Variants in HSPG2 observed in about 807,000 individuals in gnomAD.
HSPG2 encodes the protein heparan sulfate proteoglycan 2, also known as basement membrane-specific heparan sulfate proteoglycan core protein.
In HSPG2, 278 loss-of-function variants were observed where a neutral mutation model predicts 526.6. The ratio of observed to expected loss-of-function variants is 0.53; its 90% CI spans 0.48 to 0.58. HSPG2 has a LOEUF of 0.58. HSPG2 is among the 20% of genes least tolerant of loss of function. HSPG2 has a pLI of 0.00. For missense variants in HSPG2, 5,354 were observed against 6,099.5 expected (o/e 0.88, Z 4.07); for synonymous variants, 2,465 against 2,555.4 (o/e 0.96, Z 1.07).
At position 21,842,674 on chromosome 1, in the gene HSPG2, CA is replaced by C; in HGVS notation, c.8910+95del. On this transcript the variant is annotated intron_variant, in intron 67 of 96. Coordinates refer to ENST00000374695, the MANE Select transcript of HSPG2 (RefSeq NM_005529.7). ...AACGTATTTTATCCCCTGGGGTCCCCAAGCAGGCTGGTGTTTGCATGAGGTT... is the reference window on the plus strand; with the variant it reads ...AACGTATTTTATCCCCTGGGGTCCCCAGCAGGCTGGTGTTTGCATGAGGTT... 4 of 1,534,366 alleles carry C rather than the reference CA, an allele frequency of 2.6e-6. No homozygotes were observed. In the South Asian group the frequency reaches 4.5e-5, roughly 17 times the overall value.
At position 21,864,725 on chromosome 1, in the gene HSPG2, C is replaced by T. The variant is rs981164487; in HGVS notation, c.4626+118G>A. ...GCTGTCGGGAGGAATACATGCAGGGCCCAGATGCAGGGGTCATTATAGTTA... is the reference window on the plus strand; with the variant it reads ...GCTGTCGGGAGGAATACATGCAGGGTCCAGATGCAGGGGTCATTATAGTTA... On this transcript the variant is annotated intron_variant, in intron 36 of 96. Coordinates refer to ENST00000374695, the MANE Select transcript of HSPG2 (RefSeq NM_005529.7). The surrounding 1 kb of genome is among the most constrained non-coding windows in gnomAD (Gnocchi z 4.8). 12 of 831,996 alleles carry T rather than the reference C, an allele frequency of 1.4e-5. No individual in the cohort carries two copies. Among genetic ancestry groups the T allele is most frequent in the Middle Eastern group, 2.2e-4 (1 of 4,448 alleles). The allele number at this position is 831,996 out of a possible 1,614,324, so 51.5% of individuals were successfully genotyped here.
At chr1:21,882,449 C>T (rs1488220951) in intron 13 of HSPG2, among the ~76,000 whole-genome samples, 3 of 147,730 alleles carry the variant, frequency 2.0e-5, no homozygotes, top group Admixed American at 2.0e-4. Flanking sequence ...ACACAGTCAC[C>T]CTACATGGGA....
In HSPG2 at chr1:21,904,115, C is replaced by G. The variant is rs1643244635; in HGVS notation, c.64-7805G>C. ...CAGAACTCCATGTTCCTGGGGGACA[C>G]AGGCCACGGAACCACGTGCTGGCAA... On this transcript the variant is annotated intron_variant, in intron 1 of 96. Coordinates refer to ENST00000374695, the MANE Select transcript of HSPG2 (RefSeq NM_005529.7). The surrounding 1 kb of genome is among the most constrained non-coding windows in gnomAD (Gnocchi z 4.4). Among the ~76,000 whole-genome samples, 1 of 152,178 alleles carries G rather than the reference C, an allele frequency of 6.6e-6. No homozygotes were observed. The highest frequency in any genetic ancestry group is 1.5e-5 in the Non-Finnish European group (1 of 68,036).
chr1:21,860,021 A>G lies in HSPG2; in HGVS notation c.5015-19T>C, dbSNP rs1557735374. Reference sequence around the variant, plus strand: ...TGGTTTGCTGGGGGTGGGGGCCGGGACAGGAAGGGCCTTTCAGCATTGTCT... The same window carrying G: ...TGGTTTGCTGGGGGTGGGGGCCGGGGCAGGAAGGGCCTTTCAGCATTGTCT... On this transcript the variant is annotated intron_variant, in intron 40 of 96. Coordinates refer to ENST00000374695, the MANE Select transcript of HSPG2 (RefSeq NM_005529.7). 1.1e-5 allele frequency: 17 copies of G among 1,608,860 alleles called. No homozygotes were observed. Among genetic ancestry groups the G allele is most frequent in the Non-Finnish European group, 1.4e-5 (17 of 1,178,262 alleles).
intron 33 of HSPG2, among the ~76,000 whole-genome samples, chr1:21,868,327 C>T (rs1184159033): frequency 6.6e-6 from 1 of 152,158 alleles, no homozygotes; most frequent in Non-Finnish European, 1.5e-5. Context: ...TGTGAGCCAC[C>T]ACGCCCAGCC....
chr1:21,842,438 C>G, intron 67 of HSPG2, 58 bp from the exon 68 acceptor site: 1 of 1,507,324 alleles, frequency 6.6e-7, no homozygotes, highest in Non-Finnish European at 8.9e-7. Flanking sequence ...AAGGAATGTC[C>G]CCAAGCCCAA....
Position 21,843,442 on chromosome 1 carries a change from G to A in HSPG2, c.8617-4C>T. On this transcript the variant is annotated splice_polypyrimidine_tract_variant and splice_region_variant and intron_variant, in intron 65 of 96. Transcript: ENST00000374695. ...GCCTCAGCAGTGGGCCGTGGACCTG[G>A]CCAAGGTGGGGTGAGAGCGGGGAGG... 1.2e-6 allele frequency: 2 copies of A among 1,610,156 alleles called. No individual in the cohort carries two copies. Among genetic ancestry groups the A allele is most frequent in the Non-Finnish European group, 1.7e-6 (2 of 1,177,522 alleles).
intron 1 of HSPG2, among the ~76,000 whole-genome samples, chr1:21,921,704 C>A (rs1644043743): frequency 6.6e-6 from 1 of 152,222 alleles, no homozygotes; most frequent in African/African-American, 2.4e-5. Context: ...GCGGCACCCC[C>A]AGCATCCGCT....
At chr1:21,880,298 C>A (rs752827615) in intron 16 of HSPG2, 44 bp from the exon 17 acceptor site, 2 of 1,613,992 alleles carry the variant, frequency 1.2e-6, no homozygotes, top group East Asian at 2.2e-5. Context: ...GACGGTGAGG[C>A]CCTGCCGTTT....
chr1:21,887,798 C>T lies in HSPG2; in HGVS notation c.704-124G>A. ...CCACTCCCTGCCACCCCCTGCCTGG[C>T]TCTGTCATCACCCTTCCTATGCCCC... On this transcript the variant is annotated intron_variant, in intron 7 of 96. Coordinates refer to ENST00000374695, the MANE Select transcript of HSPG2 (RefSeq NM_005529.7). This position sits in a 1 kb window ranked among gnomAD's most constrained non-coding sequence, Gnocchi z 5.0. 1 of 1,556,894 alleles carries T rather than the reference C, an allele frequency of 6.4e-7. No individual in the cohort carries two copies. The highest frequency in any genetic ancestry group is 1.1e-5 in the South Asian group (1 of 89,346).
chr1:21,882,646 G>T (rs1641602722), intron 13 of HSPG2, among the ~76,000 whole-genome samples: 1 of 152,144 alleles, frequency 6.6e-6, no homozygotes, highest in Admixed American at 6.5e-5. Context: ...CTGAGCACTG[G>T]AGACATGTCT....
intron 1 of HSPG2, among the ~76,000 whole-genome samples, chr1:21,909,745 C>T (rs1237853747): frequency 1.3e-5 from 2 of 152,234 alleles, no homozygotes; most frequent in South Asian, 2.1e-4. Flanking sequence ...GATTACCCAT[C>T]ACTCCCCAAA....
Position 21,838,813 on chromosome 1 carries a change from G to A in HSPG2, c.10150+12C>T, listed in dbSNP as rs768600468. 20 of 1,610,624 alleles carry A rather than the reference G, an allele frequency of 1.2e-5. No homozygotes were observed. Among genetic ancestry groups the A allele is most frequent in the Admixed American group, 8.4e-5 (5 of 59,656 alleles). On this transcript the variant is annotated intron_variant, in intron 74 of 96. Coordinates refer to ENST00000374695, the MANE Select transcript of HSPG2 (RefSeq NM_005529.7). ...AGGTGATCCCCTTCCACGCAGAGCC[G>A]GGGCTGCTTACCTTGGACGAGCAGC...
Position 21,860,104 on chromosome 1 carries a change from C to G in HSPG2, c.5014+73G>C, listed in dbSNP as rs959531437. Reference sequence around the variant, plus strand: ...CCCCACCCTCAGCCCTGTCCCCAGACCCAGTATCCCCCAAATTCCCAGGGC... The same window carrying G: ...CCCCACCCTCAGCCCTGTCCCCAGAGCCAGTATCCCCCAAATTCCCAGGGC... On this transcript the variant is annotated intron_variant, in intron 40 of 96. Transcript: ENST00000374695. 9 of 1,603,372 alleles carry G rather than the reference C, an allele frequency of 5.6e-6. No individual in the cohort carries two copies. The African/African-American group carries it at 9.4e-5, about 17-fold the overall frequency.
chr1:21,857,099 G>T lies in HSPG2; in HGVS notation c.5491C>A (p.Gln1831Lys). 1 of 1,614,170 alleles carries T rather than the reference G, an allele frequency of 6.2e-7. No individual in the cohort carries two copies. Among genetic ancestry groups the T allele is most frequent in the Non-Finnish European group, 8.5e-7 (1 of 1,180,026 alleles). ...FNGILTIRNV[Q>K]LSDAGTYVCT... is the part of the protein sequence containing the mutation. ...ACGTAGGTGCCTGCATCACTCAGCTGGACGTTGCGAATGGTCAGGATGCCA... is the reference window on the plus strand; with the variant it reads ...ACGTAGGTGCCTGCATCACTCAGCTTGACGTTGCGAATGGTCAGGATGCCA... The change falls in exon 44 of 97, where the codon CAG becomes AAG. Residue 1831 changes from glutamine (Q) to lysine (K), a missense_variant. Physicochemically the swap from Gln to Lys is moderately conservative, Grantham distance 53. Transcript: ENST00000374695.
In HSPG2 at chr1:21,885,120, G is replaced by C; in HGVS notation, c.1248C>G (p.Ile416Met). The stretch of plus-strand genomic sequence containing the variant: ...TCACTGTCTGGCCCCGGGAAGCCTG[G>C]ATGGACTCCCGGGGAGGTGTCACCA... ...PQVVTPPRESIQASRGQTVTF... is the reference protein window; with the variant it reads ...PQVVTPPRESMQASRGQTVTF... Residue 416 changes from isoleucine to methionine, a missense_variant, in exon 11 of 97, where the codon ATC becomes ATG. Ile to Met is a conservative substitution (Grantham distance 10, BLOSUM62 1). Coordinates refer to ENST00000374695, the MANE Select transcript of HSPG2 (RefSeq NM_005529.7). 6.2e-7 allele frequency: 1 copy of C among 1,612,476 alleles called. No homozygotes were observed. The highest frequency in any genetic ancestry group is 8.5e-7 in the Non-Finnish European group (1 of 1,179,344).
intron 1 of HSPG2, chr1:21,908,442 A>G: frequency 3.5e-6 from 3 of 861,654 alleles, no homozygotes; most frequent in Non-Finnish European, 6.0e-6. Flanking sequence ...ATGATCAGAA[A>G]AAGAGAGAAG....
Position 21,830,984 on chromosome 1 carries a change from G to A in HSPG2, c.11669C>T (p.Pro3890Leu). 1.3e-6 allele frequency: 2 copies of A among 1,576,776 alleles called. No individual in the cohort carries two copies. Among genetic ancestry groups the A allele is most frequent in the Non-Finnish European group, 1.7e-6 (2 of 1,159,988 alleles). ...CGACTGGCGGTCGGGGTGCGTACCT[G>A]GATGGCAGTGCAGGGCCTGCGAGTG... is the stretch of plus-strand genomic sequence containing the variant. ...CEHSQALHCH[P>L]EACGPDATCV... is the part of the protein sequence containing the mutation. The change falls in exon 85 of 97, where the codon CCA becomes CTA. Residue 3890 changes from proline (P) to leucine (L), a missense_variant and splice_region_variant. Coordinates refer to ENST00000374695, the MANE Select transcript of HSPG2 (RefSeq NM_005529.7).
At chr1:21,866,043 C>A (rs114902726) in intron 33 of HSPG2, among the ~76,000 whole-genome samples, 235 of 152,272 alleles carry the variant, frequency 1.5e-3, no homozygotes, top group African/African-American at 5.4e-3. Context: ...CCTCTTTGCT[C>A]TGCAAGGTTC....
Sources: allele counts gnomAD v4.1 joint callset (sites outside exome capture counted in the v4.1 genomes callset), GRCh38; gene constraint gnomAD v4.1.1; non-coding constraint Gnocchi (gnomAD v3.1); transcripts MANE v1.5; gene names NCBI Gene and HGNC (gene_info 2026-07-23, HGNC 2026-07-21).